NR2C1: variants seen among roughly 807,000 people sequenced by gnomAD.
NR2C1 encodes TR2 nuclear hormone receptor.
In NR2C1, 33 loss-of-function variants were observed where a neutral mutation model predicts 74.8. The ratio of observed to expected loss-of-function variants is 0.44; its 90% confidence interval spans 0.33 to 0.59. NR2C1 has a LOEUF of 0.59. NR2C1 is among the 20% of genes least tolerant of loss of function. The pLI, the probability that NR2C1 is intolerant of heterozygous loss-of-function variation, is 0.02. For missense variants in NR2C1, 568 were observed against 715.6 expected (o/e 0.79, Z 2.35); for synonymous variants, 225 against 240.6 (o/e 0.94, Z 0.60).
chr12:95,047,704 A>G (rs1252390312), intron 9 of NR2C1, among the ~76,000 whole-genome samples: 1 of 152,236 alleles, frequency 6.6e-6, no homozygotes, highest in Non-Finnish European at 1.5e-5. Context: ...TATGCATTCA[A>G]TCCCTTTGCA....
chr12:95,021,716 C>T lies in NR2C1; in HGVS notation c.*513G>A, dbSNP rs1205984671. 6.6e-6 allele frequency: 1 copy of T among 152,152 alleles called. No homozygotes were observed. Among genetic ancestry groups the T allele is most frequent in the African/African-American group, 2.4e-5 (1 of 41,392 alleles). 9.4% of individuals were successfully genotyped at this position (152,152 alleles called of 1,614,324 possible). A position where few individuals can be genotyped will look rare whatever the true frequency, so the allele number is the denominator to read the frequency against. ...ACAAAAAATATGTATTCAATTATTT[C>T]CTATAGTTCTAATACTGTCATTATA... On this transcript the variant is annotated 3_prime_UTR_variant, in exon 14 of 14. Coordinates refer to ENST00000333003, the MANE Select transcript of NR2C1 (RefSeq NM_003297.4).
At chr12:95,062,926 G>T in intron 2 of NR2C1, 188 bp from the exon 3 acceptor site, 1 of 596,368 alleles carries the variant, frequency 1.7e-6, no homozygotes, top group Non-Finnish European at 2.9e-6. Context: ...AGGTACAATA[G>T]TAAGAACATT....
intron 1 of NR2C1, among the ~76,000 whole-genome samples, chr12:95,071,193 C>T (rs1876539953): frequency 6.7e-6 from 1 of 148,192 alleles, no homozygotes; most frequent in Admixed American, 6.7e-5. Flanking sequence ...AAGGGCAAAA[C>T]TCCGTCTCAA....
chr12:95,068,839 C>T lies in NR2C1; in HGVS notation c.-7-1448G>A, dbSNP rs542849892. Among the ~76,000 whole-genome samples, 13 of 150,744 alleles carry T rather than the reference C, an allele frequency of 8.6e-5. No homozygotes were observed. In the East Asian group the frequency reaches 9.8e-4, roughly 11 times the overall value. ...TTAGCCAGGCATGGTGGCGGGTGCC[C>T]GTAATCCCAGCTACTCAGGAGACTG... is the stretch of plus-strand genomic sequence containing the variant. On this transcript the variant is annotated intron_variant, in intron 1 of 13. Coordinates refer to ENST00000333003, the MANE Select transcript of NR2C1 (RefSeq NM_003297.4).
chr12:95,029,768 G>A (rs1042874988), intron 11 of NR2C1, among the ~76,000 whole-genome samples: 2 of 151,690 alleles, frequency 1.3e-5, no homozygotes, highest in African/African-American at 4.8e-5. Flanking sequence ...CATGTTTGCC[G>A]GGCTGGTCTT....
chr12:95,052,024 A>G, intron 7 of NR2C1, 81 bp from the exon 8 acceptor site: 1 of 902,760 alleles, frequency 1.1e-6, no homozygotes, highest in Non-Finnish European at 1.6e-6. Flanking sequence ...ATAGATTATG[A>G]TATGCCAACA....
chr12:95,063,582 T>C (rs188338860), intron 2 of NR2C1, among the ~76,000 whole-genome samples: 1 of 152,072 alleles, frequency 6.6e-6, no homozygotes, highest in East Asian at 1.9e-4. Flanking sequence ...TGACATTATC[T>C]ATAATCCCAG....
intron 4 of NR2C1, 87 bp downstream of exon 4, chr12:95,059,819 T>C (rs1874476784): frequency 4.7e-6 from 4 of 859,556 alleles, no homozygotes; most frequent in Non-Finnish European, 7.1e-6. Flanking sequence ...AGAAGAAACA[T>C]GGTAGTGTGG....
intron 8 of NR2C1, among the ~76,000 whole-genome samples, chr12:95,050,764 T>A (rs985971326): frequency 1.3e-5 from 2 of 152,008 alleles, no homozygotes; most frequent in Admixed American, 1.3e-4. Context: ...ATAAACGCAG[T>A]GTAGGAAAAC....
rs1427665022 is a variant in NR2C1, at chr12:95,059,999, AAAAAAAAAGAAAAC to A, written c.286-29_286-16del. 2 of 1,549,380 alleles carry A rather than the reference AAAAAAAAAGAAAAC, an allele frequency of 1.3e-6. No individual in the cohort carries two copies. Among genetic ancestry groups the A allele is most frequent in the Non-Finnish European group, 1.7e-6 (2 of 1,157,050 alleles). On this transcript the variant is annotated splice_polypyrimidine_tract_variant and intron_variant, in intron 3 of 13. Transcript: ENST00000333003. Reference sequence around the variant, plus strand: ...TCTGTTAGGAGCTAAAAAAAAAAAAAAAAAAAAAGAAAACAAAAACGAAAACCTGTTGTTACTCA... The same window carrying A: ...TCTGTTAGGAGCTAAAAAAAAAAAAAAAAAACGAAAACCTGTTGTTACTCA...
In NR2C1 at chr12:95,036,517, TTTTTTTTTTTTG is replaced by T. The variant is rs968948695; in HGVS notation, c.1253+3947_1253+3958del. On this transcript the variant is annotated intron_variant, in intron 10 of 13. Coordinates refer to ENST00000333003, the MANE Select transcript of NR2C1 (RefSeq NM_003297.4). ...TACACTATATTGTGGGTTTACTTTTTTTTTTTTTTTTGAAGGAGAGTCTCACTCTGTCACCCA... is the reference window on the plus strand; with the variant it reads ...TACACTATATTGTGGGTTTACTTTTTAAGGAGAGTCTCACTCTGTCACCCA... Among the ~76,000 whole-genome samples, 87 of 151,546 alleles carry T rather than the reference TTTTTTTTTTTTG, an allele frequency of 5.7e-4. 1 individual carries two copies. The highest frequency in any genetic ancestry group is 2.0e-3 in the African/African-American group (84 of 41,184).
intron 2 of NR2C1, among the ~76,000 whole-genome samples, chr12:95,064,530 G>C (rs1000362096): frequency 6.6e-6 from 1 of 152,036 alleles, no homozygotes. Flanking sequence ...TTTAAGAAGA[G>C]AGAAGTAACA....
At chr12:95,065,030 T>TA (rs1004183975) in intron 2 of NR2C1, among the ~76,000 whole-genome samples, 5 of 152,198 alleles carry the variant, frequency 3.3e-5, no homozygotes, top group Non-Finnish European at 7.4e-5. Context: ...ACATTCTGCT[T>TA]AAATGAGTAA....
In NR2C1 at chr12:95,021,427, C is replaced by G. The variant is rs1286495812; in HGVS notation, c.*802G>C. 6.6e-6 allele frequency: 1 copy of G among 151,722 alleles called. No individual in the cohort carries two copies. Among genetic ancestry groups the G allele is most frequent in the Non-Finnish European group, 1.5e-5 (1 of 67,948 alleles). 9.4% of individuals were successfully genotyped at this position (151,722 alleles called of 1,614,324 possible). A position where few individuals can be genotyped will look rare whatever the true frequency, so the allele number is the denominator to read the frequency against. On this transcript the variant is annotated 3_prime_UTR_variant, in exon 14 of 14. Coordinates refer to ENST00000333003, the MANE Select transcript of NR2C1 (RefSeq NM_003297.4). Reference sequence around the variant, plus strand: ...ACTTTGGGAGGCTGAGGCAGGATCACTTGAGCCCAGGAGTTTGAGACCAGC... The same window carrying G: ...ACTTTGGGAGGCTGAGGCAGGATCAGTTGAGCCCAGGAGTTTGAGACCAGC...
chr12:95,045,481 A>G (rs1348839546), intron 9 of NR2C1, among the ~76,000 whole-genome samples: 1 of 152,192 alleles, frequency 6.6e-6, no homozygotes, highest in Non-Finnish European at 1.5e-5. Flanking sequence ...ACAAATCAAG[A>G]AAGGAATTTT....
chr12:95,025,302 T>C, intron 12 of NR2C1, 47 bp from the exon 13 acceptor site: 1 of 983,480 alleles, frequency 1.0e-6, no homozygotes, highest in South Asian at 1.4e-5. Flanking sequence ...GAATGTTCAT[T>C]TAAGACAGAG....
chr12:95,022,258 T>G lies in NR2C1; in HGVS notation c.1783A>C (p.Asn595His). 6.2e-7 allele frequency: 1 copy of G among 1,612,004 alleles called. No homozygotes were observed. Among genetic ancestry groups the G allele is most frequent in the East Asian group, 2.2e-5 (1 of 44,842 alleles). ...ATGCTGTGACCAATTATTTGAGAGT[T>G]ATAATCTGCAGGCTCCATTTTCAAA... ...HILKMEPADY[N>H]SQIIGHSI Residue 595 changes from asparagine (N) to histidine (H), a missense_variant, in exon 14 of 14, where the codon AAC becomes CAC. Physicochemically the swap from Asn to His is moderately conservative, Grantham distance 68 (BLOSUM62 1). Around this residue, in one of 6 missense-constraint regions of NR2C1, gnomAD observed 117 missense variants for 186.7 expected, o/e 0.63. Coordinates refer to ENST00000333003, the MANE Select transcript of NR2C1 (RefSeq NM_003297.4).
chr12:95,034,530 C>A (rs889654263), intron 10 of NR2C1, among the ~76,000 whole-genome samples: 4 of 152,070 alleles, frequency 2.6e-5, no homozygotes, highest in Non-Finnish European at 5.9e-5. Flanking sequence ...TTGGTAGTAC[C>A]CATCGAAAGT....
intron 9 of NR2C1, 78 bp downstream of exon 9, chr12:95,048,986 CAACA>C (rs1206192345): frequency 1.5e-6 from 2 of 1,303,316 alleles, no homozygotes; most frequent in African/African-American, 2.9e-5. Flanking sequence ...TTTAAAAGCA[CAACA>C]AACATACTTT....
Sources: allele counts gnomAD v4.1 joint callset (sites outside exome capture counted in the v4.1 genomes callset), GRCh38; gene constraint gnomAD v4.1.1; regional missense constraint gnomAD v4.1.1; transcripts MANE v1.5; gene names NCBI Gene and HGNC (gene_info 2026-07-23, HGNC 2026-07-21).